VAT1L: variants seen among roughly 807,000 people sequenced by gnomAD.
VAT1L encodes the protein vesicle amine transport 1 like.
In VAT1L, 34 loss-of-function variants were observed where a neutral mutation model predicts 44.1. The ratio of observed to expected loss-of-function variants is 0.77; its 90% CI spans 0.59 to 1.03. The LOEUF (loss-of-function observed/expected upper bound fraction) is 1.03, where lower values mean the gene tolerates loss of function less well. Ranked by LOEUF, VAT1L falls within the 50% of genes least tolerant of loss-of-function variation. VAT1L has a pLI of 0.00. For synonymous variants in VAT1L, 253 were observed against 202.2 expected (o/e 1.25, Z -2.13); for missense variants, 615 against 538.8 (o/e 1.14, Z -1.40).
chr16:77,883,109 C>G (rs2017172117), intron 6 of VAT1L, among the ~76,000 whole-genome samples: 1 of 152,174 alleles, frequency 6.6e-6, no homozygotes, highest in South Asian at 2.1e-4. Flanking sequence ...AAAATTTTCA[C>G]TTTAGTCAGT....
chr16:77,931,207 G>A (rs765070263), intron 7 of VAT1L, among the ~76,000 whole-genome samples: 4 of 152,136 alleles, frequency 2.6e-5, no homozygotes, highest in African/African-American at 7.2e-5. Context: ...ATTGAACGAC[G>A]TGGGTGGGCA....
chr16:77,872,598 A>G (rs1363438374), intron 4 of VAT1L, among the ~76,000 whole-genome samples: 1 of 152,044 alleles, frequency 6.6e-6, no homozygotes, highest in East Asian at 1.9e-4. Flanking sequence ...CTTTGTTTTC[A>G]TGCTCCAGCC....
intron 3 of VAT1L, among the ~76,000 whole-genome samples, chr16:77,831,751 T>C (rs1609913): frequency 0.58 from 87,910 of 151,936 alleles, 25,817 homozygotes; most frequent in South Asian, 0.67. Flanking sequence ...GGAATCAGAA[T>C]AAAGTCTGCA....
rs530555610 is a variant in VAT1L at position 77,910,346 on chromosome 16, T to A, written c.1077+25544T>A. ...TTTCACAAACATGAATCCTAGTAGTTTGGAAATTCATTATACAGTATCACT... is the reference window on the plus strand; with the variant it reads ...TTTCACAAACATGAATCCTAGTAGTATGGAAATTCATTATACAGTATCACT... On this transcript the variant is annotated intron_variant, in intron 7 of 8. Transcript: ENST00000302536. Among the ~76,000 whole-genome samples the A allele has an allele frequency of 2.6e-5, 4 of 152,298 alleles. No homozygotes were observed. In the East Asian group the frequency reaches 7.7e-4, roughly 29 times the overall value.
At chr16:77,942,321 C>A (rs150497283) in intron 7 of VAT1L, among the ~76,000 whole-genome samples, 1 of 152,204 alleles carries the variant, frequency 6.6e-6, no homozygotes, top group African/African-American at 2.4e-5. Context: ...AAGACCCTCC[C>A]CCATGATTTA....
At chr16:77,821,449 C>G (rs901946078) in intron 2 of VAT1L, among the ~76,000 whole-genome samples, 5 of 152,026 alleles carry the variant, frequency 3.3e-5, no homozygotes, top group African/African-American at 9.7e-5. Context: ...TACAGCCACA[C>G]CTGGCTAATT....
intron 7 of VAT1L, among the ~76,000 whole-genome samples, chr16:77,956,971 A>T (rs2018110743): frequency 6.6e-6 from 1 of 152,184 alleles, no homozygotes; most frequent in Non-Finnish European, 1.5e-5. Context: ...AATACCACCT[A>T]TTCCTGCAAA....
At chr16:77,807,639 C>T (rs1012478506) in intron 1 of VAT1L, among the ~76,000 whole-genome samples, 1 of 152,166 alleles carries the variant, frequency 6.6e-6, no homozygotes, top group Admixed American at 6.5e-5. Context: ...TCCCAGGGAA[C>T]CTGACCTATG....
chr16:77,824,897 T>C (rs1467015191), intron 2 of VAT1L, among the ~76,000 whole-genome samples: 1 of 133,682 alleles, frequency 7.5e-6, no homozygotes, highest in Non-Finnish European at 1.6e-5. Context: ...GGCAGAGTCT[T>C]GCTTTGTTGC....
rs1016977730 is a variant in VAT1L, at chr16:77,937,807, G to T, written c.1078-34043G>T. Among the ~76,000 whole-genome samples the T allele has an allele frequency of 2.4e-4, 36 of 152,192 alleles. 2 individuals carry two copies. Reference sequence around the variant, plus strand: ...AATCCCTTGAATTACATAAGGGGAGGAGATAACCTGAGCCTTAAACTCACA... The same window carrying T: ...AATCCCTTGAATTACATAAGGGGAGTAGATAACCTGAGCCTTAAACTCACA... On this transcript the variant is annotated intron_variant, in intron 7 of 8. Coordinates refer to ENST00000302536, the MANE Select transcript of VAT1L (RefSeq NM_020927.3).
intron 6 of VAT1L, among the ~76,000 whole-genome samples, chr16:77,881,209 C>G (rs936561142): frequency 6.6e-6 from 1 of 152,196 alleles, no homozygotes; most frequent in African/African-American, 2.4e-5. Context: ...TTTTTGCCCC[C>G]TCTACTTTTG....
chr16:77,961,374 C>T lies in VAT1L; in HGVS notation c.1078-10476C>T, dbSNP rs375801086. On this transcript the variant is annotated intron_variant, in intron 7 of 8. Transcript: ENST00000302536. The stretch of plus-strand genomic sequence containing the variant: ...CTTCCTTCCAGTCTTTCTCCTTCCT[C>T]CCTCGGATCTGTTCACCTTCTTGTT... 2.2e-3 allele frequency among the ~76,000 whole-genome samples: 333 copies of T among 152,274 alleles called. 11 individuals carry two copies. In the South Asian group the frequency reaches 0.067, roughly 30 times the overall value.
intron 1 of VAT1L, chr16:77,800,830 T>C (rs2016034762): frequency 6.6e-6 from 1 of 152,116 alleles, no homozygotes; most frequent in Non-Finnish European, 1.5e-5. Context: ...ATAATAGCCT[T>C]TTGTTCTTGT....
intron 7 of VAT1L, among the ~76,000 whole-genome samples, chr16:77,961,915 TGTC>T (rs1291130554): frequency 2.0e-5 from 3 of 152,224 alleles, no homozygotes; most frequent in Non-Finnish European, 4.4e-5. Context: ...TGAATATTGT[TGTC>T]ATCATTTTTG....
intron 7 of VAT1L, among the ~76,000 whole-genome samples, chr16:77,953,868 T>C (rs2018072791): frequency 6.6e-6 from 1 of 152,194 alleles, no homozygotes; most frequent in African/African-American, 2.4e-5. Flanking sequence ...TGATGTTTCC[T>C]TCCTTGAAAA....
intron 7 of VAT1L, among the ~76,000 whole-genome samples, chr16:77,957,383 C>T (rs1335080396): frequency 6.6e-6 from 1 of 152,110 alleles, no homozygotes; most frequent in Non-Finnish European, 1.5e-5. Flanking sequence ...ATATCTTTCT[C>T]CCTGAGTTGA....
intron 7 of VAT1L, among the ~76,000 whole-genome samples, chr16:77,900,602 C>T (rs1044582816): frequency 1.3e-5 from 2 of 150,334 alleles, no homozygotes; most frequent in African/African-American, 2.5e-5. Context: ...GGCTGAGGCG[C>T]GAGAATCACT....
chr16:77,865,539 A>G lies in VAT1L; in HGVS notation c.722+2649A>G, dbSNP rs149012532. 1.6e-3 allele frequency among the ~76,000 whole-genome samples: 250 copies of G among 152,336 alleles called. 1 individual carries two copies. The highest frequency in any genetic ancestry group is 5.7e-3 in the African/African-American group (236 of 41,568). On this transcript the variant is annotated intron_variant, in intron 4 of 8. Transcript: ENST00000302536. ...TTAACGGAGGGAGAGGGGACAAAAAATAAAACTATAAAGAGAAATAACTGA... is the reference window on the plus strand; with the variant it reads ...TTAACGGAGGGAGAGGGGACAAAAAGTAAAACTATAAAGAGAAATAACTGA...
chr16:77,946,172 A>G (rs1236417322), intron 7 of VAT1L, among the ~76,000 whole-genome samples: 2 of 151,848 alleles, frequency 1.3e-5, no homozygotes, highest in Admixed American at 1.3e-4. Flanking sequence ...TCCCTCTTGT[A>G]CACTCATAAG....
Sources: gnomAD v4.1 joint callset for allele counts (sites outside exome capture counted in the v4.1 genomes callset) on GRCh38, gnomAD v4.1.1 for gene constraint, MANE v1.5 for transcripts, NCBI Gene and HGNC (gene_info 2026-07-23, HGNC 2026-07-21) for gene names.